The following NAV2 variants were observed in gnomAD, a reference collection of about 807,000 sequenced individuals.
NAV2 encodes the protein helicase, APC down-regulated 1.
Under a neutral mutation model 223.2 loss-of-function variants are expected in NAV2, and 54 were observed. The ratio of observed to expected loss-of-function variants is 0.24; its 90% CI spans 0.19 to 0.30. NAV2 has a LOEUF of 0.30. Among genes scored for constraint, NAV2 ranks in the 10% least tolerant of loss-of-function variants. NAV2 has a pLI of 1.00. For missense variants in NAV2, 2,806 were observed against 3,147.5 expected (o/e 0.89, Z 2.60); for synonymous variants, 1,279 against 1,239.3 (o/e 1.03, Z -0.67).
At chr11:19,477,654 A>C (rs1472556155) in intron 1 of NAV2, among the ~76,000 whole-genome samples, 2 of 152,222 alleles carry the variant, frequency 1.3e-5, no homozygotes, top group Non-Finnish European at 2.9e-5. Flanking sequence ...GACATACGGC[A>C]AGCAGTCCAT....
intron 1 of NAV2, among the ~76,000 whole-genome samples, chr11:19,597,773 G>A (rs1034950717): frequency 6.6e-6 from 1 of 152,348 alleles, no homozygotes; most frequent in South Asian, 2.1e-4. Flanking sequence ...AGCTGAAGGA[G>A]GTGGGGAGGA....
chr11:19,348,241 G>A (rs1025802718), upstream of NAV2, among the ~76,000 whole-genome samples: 5 of 152,220 alleles, frequency 3.3e-5, no homozygotes, highest in African/African-American at 1.2e-4. Flanking sequence ...GCTGTTCTCA[G>A]ATACAGAGAA....
At position 19,801,213 on chromosome 11, in the gene NAV2, G is replaced by C. The variant is rs548720986; in HGVS notation, c.268-31271G>C. The stretch of plus-strand genomic sequence containing the variant: ...TCTGTGACTTAGTCCAACCAGTTTG[G>C]CAACAGCAGGACCCCATCCCAATTT... On this transcript the variant is annotated intron_variant, in intron 1 of 37. Coordinates refer to ENST00000349880, the MANE Select transcript of NAV2 (RefSeq NM_145117.5). 2.0e-5 allele frequency among the ~76,000 whole-genome samples: 3 copies of C among 152,304 alleles called. No individual in the cohort carries two copies. In the East Asian group the frequency reaches 5.8e-4, roughly 29 times the overall value.
intron 1 of NAV2, among the ~76,000 whole-genome samples, chr11:19,455,124 A>G (rs1851917311): frequency 6.6e-6 from 1 of 152,226 alleles, no homozygotes; most frequent in Non-Finnish European, 1.5e-5. Context: ...TGACTTTAGA[A>G]GACTCAGAGA....
chr11:19,737,174 C>G (rs2052394813), intron 1 of NAV2, among the ~76,000 whole-genome samples: 1 of 152,226 alleles, frequency 6.6e-6, no homozygotes, highest in Non-Finnish European at 1.5e-5. Flanking sequence ...AGGACAGGGA[C>G]TCCTGTGGTT....
intron 1 of NAV2, among the ~76,000 whole-genome samples, chr11:19,438,821 C>T (rs1851299570): frequency 6.6e-6 from 1 of 152,142 alleles, no homozygotes. Context: ...GTGTGCCACC[C>T]TCCTGGCATG....
At chr11:19,513,471 G>A (rs1426874774) in intron 1 of NAV2, among the ~76,000 whole-genome samples, 1 of 152,196 alleles carries the variant, frequency 6.6e-6, no homozygotes, top group Non-Finnish European at 1.5e-5. Context: ...GCATCTCTGT[G>A]GAGGGGACAG....
chr11:19,712,847 G>T lies in NAV2; in HGVS notation c.-849G>T, dbSNP rs1339412391. ...CGCCGGCAGCAGCCTGTCCTCCCCT[G>T]CGCTGAGCCCCGCAGCCAGCGCAGC... On this transcript the variant is annotated 5_prime_UTR_variant, in exon 1 of 38. Transcript: ENST00000349880. Among the ~76,000 whole-genome samples the T allele has an allele frequency of 6.6e-6, 1 of 151,244 alleles. No homozygotes were observed. Among genetic ancestry groups the T allele is most frequent in the Non-Finnish European group, 1.5e-5 (1 of 67,830 alleles).
intron 4 of NAV2, among the ~76,000 whole-genome samples, chr11:19,876,241 T>A (rs900127179): frequency 2.0e-5 from 3 of 152,146 alleles, no homozygotes; most frequent in Non-Finnish European, 4.4e-5. Flanking sequence ...TGAGCCAGGC[T>A]GGTTTCAATC....
intron 35 of NAV2, among the ~76,000 whole-genome samples, chr11:20,106,037 A>T (rs1379993010): frequency 1.3e-5 from 2 of 151,168 alleles, no homozygotes; most frequent in East Asian, 3.9e-4. Context: ...AAATTTTATC[A>T]GCATTTCTGA....
intron 1 of NAV2, among the ~76,000 whole-genome samples, chr11:19,823,812 A>G (rs1196908542): frequency 6.6e-6 from 1 of 152,150 alleles, no homozygotes. Context: ...GAAATACCCA[A>G]TGTAGATGAC....
chr11:19,496,486 G>C (rs188635972), intron 1 of NAV2, among the ~76,000 whole-genome samples: 5 of 152,340 alleles, frequency 3.3e-5, no homozygotes, highest in African/African-American at 1.2e-4. Flanking sequence ...GAAGGCCTCA[G>C]TTCCTTGTCA....
intron 1 of NAV2, among the ~76,000 whole-genome samples, chr11:19,741,497 CT>C (rs71050682): frequency 0.75 from 85,814 of 114,926 alleles, 30,564 homozygotes; most frequent in Middle Eastern, 0.86. Context: ...TTCTTTCTTT[CT>C]TTTTTTTTTT....
intron 3 of NAV2, among the ~76,000 whole-genome samples, chr11:19,864,489 A>C (rs931035066): frequency 6.6e-6 from 1 of 152,190 alleles, no homozygotes; most frequent in Non-Finnish European, 1.5e-5. Context: ...TCCAGCCTTA[A>C]TCATGATTGA....
intron 1 of NAV2, chr11:19,714,175 T>C: frequency 1.4e-6 from 1 of 716,286 alleles, no homozygotes; most frequent in Non-Finnish European, 2.5e-6. Flanking sequence ...CCTTAAGAGC[T>C]CTTCGAGACC....
intron 6 of NAV2, among the ~76,000 whole-genome samples, chr11:19,909,965 G>A (rs529704033): frequency 1.1e-4 from 17 of 152,192 alleles, no homozygotes; most frequent in African/African-American, 3.9e-4. Context: ...TAGACAGGGG[G>A]CACTGAAACA....
At chr11:19,961,226 A>G (rs2048332632) in intron 10 of NAV2, among the ~76,000 whole-genome samples, 2 of 152,130 alleles carry the variant, frequency 1.3e-5, no homozygotes, top group African/African-American at 4.8e-5. Context: ...CTGGGATTAT[A>G]GGTGTGAGTC....
At chr11:19,923,408 C>G in intron 6 of NAV2, among the ~76,000 whole-genome samples, 1 of 151,604 alleles carries the variant, frequency 6.6e-6, no homozygotes, top group African/African-American at 2.4e-5. Context: ...AATTATTTGA[C>G]TACTATTTAG....
chr11:19,817,491 G>C (rs534813376), intron 1 of NAV2, among the ~76,000 whole-genome samples: 2 of 152,176 alleles, frequency 1.3e-5, no homozygotes, highest in Non-Finnish European at 2.9e-5. Flanking sequence ...GGGAATGGGG[G>C]AACACCTGGA....
Sources: allele counts gnomAD v4.1 joint callset (sites outside exome capture counted in the v4.1 genomes callset), GRCh38; gene constraint gnomAD v4.1.1; transcripts MANE v1.5; gene names NCBI Gene and HGNC (gene_info 2026-07-23, HGNC 2026-07-21).